Variants in PTPN3 observed in about 807,000 individuals in gnomAD.
PTPN3 encodes tyrosine-protein phosphatase non-receptor type 3.
PTPN3 carries 96 observed loss-of-function variants against 132.7 expected under a neutral mutation model. The ratio of observed to expected loss-of-function variants is 0.72; its 90% CI spans 0.61 to 0.86. The LOEUF (loss-of-function observed/expected upper bound fraction) is 0.86. PTPN3 is among the 40% of genes least tolerant of loss of function. The probability of loss-of-function intolerance (pLI) is 0.00; values close to 1 mark genes in which losing one functional copy is unlikely to be tolerated. For missense variants in PTPN3, 1,125 were observed against 1,159.6 expected (o/e 0.97, Z 0.43); for synonymous variants, 398 against 429.0 (o/e 0.93, Z 0.89).
chr9:109,538,238 C>T, the PTPN3 span, among the ~76,000 whole-genome samples: 3 of 152,228 alleles, frequency 2.0e-5, no homozygotes, highest in East Asian at 1.9e-4. Flanking sequence ...TACAGTTTTC[C>T]GGAGGATGCC....
the PTPN3 span, among the ~76,000 whole-genome samples, chr9:109,519,359 G>C: frequency 1.3e-5 from 2 of 152,214 alleles, no homozygotes; most frequent in African/African-American, 4.8e-5. Context: ...TTTCAAGCAT[G>C]TTTAAGGGAG....
intron 7 of PTPN3, among the ~76,000 whole-genome samples, chr9:109,439,908 CA>C (rs1271331796): frequency 7.0e-6 from 1 of 143,860 alleles, no homozygotes; most frequent in Non-Finnish European, 1.5e-5. Context: ...GACTCTGTCT[CA>C]AAAAAGAAAA....
Position 109,383,462 on chromosome 9 carries a change from G to A in PTPN3, c.2343C>T (p.Ile781=), listed in dbSNP as rs776793043. 1.9e-5 allele frequency: 31 copies of A among 1,613,986 alleles called. No individual in the cohort carries two copies. The highest frequency in any genetic ancestry group is 1.6e-4 in the Middle Eastern group (1 of 6,082). The change falls in exon 23 of 26, where the codon ATC becomes ATT. Residue 781 remains isoleucine (I), a synonymous_variant. Coordinates refer to ENST00000374541, the MANE Select transcript of PTPN3 (RefSeq NM_002829.4). ...HIQCQSEDCT[I]AYVSREMLVT... is the part of the protein sequence containing the mutation. ...CCAGCATTTCTCGGGACACATAGGC[G>A]ATGGTGCAGTCCTCTGACTGACACT...
chr9:109,463,405 TCCAC>T lies in PTPN3; in HGVS notation c.26_29del (p.Gly9GlufsTer27), dbSNP rs1238683219. The T allele has an allele frequency of 6.2e-7, 1 of 1,612,618 alleles. No individual in the cohort carries two copies. Among genetic ancestry groups the T allele is most frequent in the Non-Finnish European group, 8.5e-7 (1 of 1,179,674 alleles). ...CCGAGGTGCGTATATTATTAATTCT[TCCAC>T]CCAACGCACGTAACCGGGAGGTCAT... On this transcript the variant is annotated frameshift_variant, in exon 2 of 26. Transcript: ENST00000374541. LOFTEE classifies it high-confidence loss of function.
At chr9:109,416,240 C>T (rs1842475389) in intron 14 of PTPN3, among the ~76,000 whole-genome samples, 2 of 152,080 alleles carry the variant, frequency 1.3e-5, no homozygotes, top group South Asian at 2.1e-4. Context: ...GCTGGGTCAG[C>T]GTCAAGGAGG....
At chr9:109,401,801 G>T (rs894954874) in intron 19 of PTPN3, among the ~76,000 whole-genome samples, 1 of 152,146 alleles carries the variant, frequency 6.6e-6, no homozygotes, top group African/African-American at 2.4e-5. Flanking sequence ...TTTGGGCTGA[G>T]ATTTTCCTGG....
chr9:109,436,080 G>A (rs1844032775), intron 9 of PTPN3, among the ~76,000 whole-genome samples: 1 of 152,242 alleles, frequency 6.6e-6, no homozygotes. Flanking sequence ...ATCACAAGGT[G>A]AGACCTTATG....
At chr9:109,404,673 AACAAATC>A (rs1208316672) in intron 18 of PTPN3, 65 bp from the exon 19 acceptor site, 1 of 1,349,640 alleles carries the variant, frequency 7.4e-7, no homozygotes. Flanking sequence ...GTCTCCCTCA[AACAAATC>A]ACACCTATGA....
chr9:109,402,924 A>C (rs1371130124), intron 19 of PTPN3, among the ~76,000 whole-genome samples: 6 of 152,082 alleles, frequency 3.9e-5, no homozygotes. Context: ...ATAATAAAAA[A>C]CAAATTAGCC....
At chr9:109,389,679 T>TAA (rs1402550992) in intron 21 of PTPN3, among the ~76,000 whole-genome samples, 3 of 152,250 alleles carry the variant, frequency 2.0e-5, no homozygotes, top group African/African-American at 7.2e-5. Context: ...ATCCTAAATA[T>TAA]AATCAATATT....
chr9:109,391,144 G>T lies in PTPN3; in HGVS notation c.2100C>A (p.Tyr700Ter), dbSNP rs138839766. Residue 700 changes from tyrosine to a stop codon, truncating the protein, a stop_gained, in exon 21 of 26, where the codon TAC (tyrosine) becomes TAA (stop). Coordinates refer to ENST00000374541, the MANE Select transcript of PTPN3 (RefSeq NM_002829.4). LOFTEE classifies it high-confidence loss of function. ...QGNEDYINAS[Y>*]VNMEIPAANL... The stretch of plus-strand genomic sequence containing the variant: ...ATCCAGATTCCTAACTTACGTTCAC[G>T]TAACTTGCATTAATATAATCTTCAT... The T allele has an allele frequency of 6.2e-7, 1 of 1,612,890 alleles. No homozygotes were observed.
intron 22 of PTPN3, among the ~76,000 whole-genome samples, chr9:109,383,801 TCACCAGGGGCCACTCGCTGGAAGAG>T (rs1564371749): frequency 6.6e-6 from 1 of 152,070 alleles, no homozygotes; most frequent in Non-Finnish European, 1.5e-5. Flanking sequence ...AGCGTCTTCA[TCACCAGGGGCCACTCGCTGGAAGAG>T]CACCAGTGGC....
intron 12 of PTPN3, among the ~76,000 whole-genome samples, chr9:109,423,771 G>C (rs560494330): frequency 1.2e-4 from 19 of 152,132 alleles, no homozygotes; most frequent in Non-Finnish European, 1.8e-4. Flanking sequence ...CTGTCACCCT[G>C]TTAAAGGGTG....
intron 7 of PTPN3, among the ~76,000 whole-genome samples, chr9:109,439,905 T>C (rs533671647): frequency 6.7e-6 from 1 of 150,042 alleles, no homozygotes; most frequent in Admixed American, 6.6e-5. Flanking sequence ...CCAGACTCTG[T>C]CTCAAAAAAG....
intron 19 of PTPN3, among the ~76,000 whole-genome samples, chr9:109,404,198 C>T (rs1424659025): frequency 1.3e-5 from 2 of 152,212 alleles, no homozygotes; most frequent in Admixed American, 1.3e-4. Flanking sequence ...GGTGGCCACC[C>T]TGATCCCTGC....
the PTPN3 span, among the ~76,000 whole-genome samples, chr9:109,514,145 C>A: frequency 3.9e-5 from 6 of 152,308 alleles, no homozygotes; most frequent in South Asian, 1.2e-3. Context: ...TCACATCCTT[C>A]CCAAGCCCCA....
At chr9:109,499,978 A>G (rs1847839032), upstream of PTPN3, among the ~76,000 whole-genome samples, 1 of 152,190 alleles carries the variant, frequency 6.6e-6, no homozygotes, top group Admixed American at 6.5e-5. Flanking sequence ...AGCCCCCGGA[A>G]GGAGGAGCCC....
At chr9:109,533,816 T>A in the PTPN3 span, 3 of 931,414 alleles carry the variant, frequency 3.2e-6, no homozygotes, top group Non-Finnish European at 5.1e-6. Flanking sequence ...CTCCCATCCC[T>A]CGTTCTTTCC....
intron 5 of PTPN3, among the ~76,000 whole-genome samples, chr9:109,453,020 A>T (rs1486333147): frequency 6.6e-6 from 1 of 152,110 alleles, no homozygotes; most frequent in Admixed American, 6.5e-5. Flanking sequence ...CAGCATAAAG[A>T]GCTGGTATGG....
Sources: gnomAD v4.1 joint callset for allele counts (sites outside exome capture counted in the v4.1 genomes callset) on GRCh38, gnomAD v4.1.1 for gene constraint, MANE v1.5 for transcripts, NCBI Gene and HGNC (gene_info 2026-07-23, HGNC 2026-07-21) for gene names.